Variants in EVC2 observed in about 807,000 individuals in gnomAD.
EVC2 encodes limbin.
EVC2 carries 148 observed loss-of-function variants against 149.3 expected under a neutral mutation model. The observed-to-expected ratio is 0.99, with a 90% CI of 0.87 to 1.14. EVC2 has a LOEUF of 1.14. Among genes scored for constraint, EVC2 ranks in the 50% most tolerant of loss-of-function variants. The pLI is 0.00. For missense variants in EVC2, 1,854 were observed against 1,627.3 expected (o/e 1.14, Z -2.40); for synonymous variants, 776 against 649.9 (o/e 1.19, Z -2.95).
intron 10 of EVC2, among the ~76,000 whole-genome samples, chr4:5,634,079 G>A (rs1006851031): frequency 8.3e-4 from 126 of 152,354 alleles, no homozygotes; most frequent in African/African-American, 2.9e-3. Flanking sequence ...GACAGCAGGG[G>A]CCATGAGGCT....
In EVC2 at chr4:5,625,598, A is replaced by T; in HGVS notation, c.2046+151T>A. The stretch of plus-strand genomic sequence containing the variant: ...GAACACAGCATTCCAAAAAGTCGCT[A>T]CCAATCAACAGTAGATGGCACATCA... On this transcript the variant is annotated intron_variant, in intron 13 of 21. Transcript: ENST00000344408. The surrounding 1 kb of genome is among the most constrained non-coding windows in gnomAD (Gnocchi z 4.0). 1 of 990,566 alleles carries T rather than the reference A, an allele frequency of 1.0e-6. No homozygotes were observed. The highest frequency in any genetic ancestry group is 1.5e-6 in the Non-Finnish European group (1 of 669,578). The allele number at this position is 990,566 out of a possible 1,614,324, so 61.4% of individuals were successfully genotyped here.
intron 16 of EVC2, among the ~76,000 whole-genome samples, chr4:5,593,577 C>G (rs571058147): frequency 2.2e-4 from 33 of 152,264 alleles, no homozygotes; most frequent in Non-Finnish European, 4.1e-4. Flanking sequence ...GATTCCCATT[C>G]TAGGGGGTGG....
intron 21 of EVC2, among the ~76,000 whole-genome samples, chr4:5,546,506 A>G (rs1371468061): frequency 6.6e-6 from 1 of 152,004 alleles, no homozygotes; most frequent in African/African-American, 2.4e-5. Flanking sequence ...ATAGGTGGGA[A>G]TTGAACAATG....
chr4:5,623,109 A>C, intron 13 of EVC2, 118 bp from the exon 14 acceptor site: 52 of 953,072 alleles, frequency 5.5e-5, no homozygotes, highest in Non-Finnish European at 6.9e-5. Context: ...CAACAATCTC[A>C]CATTTGGAAG....
At chr4:5,548,085 G>A (rs538685818) in intron 21 of EVC2, among the ~76,000 whole-genome samples, 340 of 152,174 alleles carry the variant, frequency 2.2e-3, no homozygotes, top group Admixed American at 3.7e-3. Context: ...GACTGTGCAC[G>A]GTGGCTGGAC....
rs1553851870 is a variant in EVC2, at chr4:5,691,335, T to C, written c.451-2A>G. On this transcript the variant is annotated splice_acceptor_variant, in intron 3 of 21. Transcript: ENST00000344408. LOFTEE classifies it high-confidence loss of function. ...AACTTCTCTTGAAATGTCCCCATAC[T>C]ACAATAAAATGTAAAAGTTATTAGA... The C allele has an allele frequency of 1.2e-6, 2 of 1,608,460 alleles. No individual in the cohort carries two copies. The highest frequency in any genetic ancestry group is 8.5e-7 in the Non-Finnish European group (1 of 1,175,174).
intron 4 of EVC2, among the ~76,000 whole-genome samples, chr4:5,690,369 G>T (rs1721030848): frequency 6.6e-6 from 1 of 151,780 alleles, no homozygotes; most frequent in South Asian, 2.1e-4. Context: ...TCTAAAGCCT[G>T]CAGAATATCC....
At chr4:5,530,183 T>C in the EVC2 span, among the ~76,000 whole-genome samples, 1 of 152,202 alleles carries the variant, frequency 6.6e-6, no homozygotes, top group Non-Finnish European at 1.5e-5. Flanking sequence ...AATAAAAGCA[T>C]AAGTCCTTAC....
At chr4:5,580,894 G>A (rs538254173) in intron 17 of EVC2, among the ~76,000 whole-genome samples, 1 of 152,302 alleles carries the variant, frequency 6.6e-6, no homozygotes, top group African/African-American at 2.4e-5. Flanking sequence ...ATGGTTTAGT[G>A]CCATCCCTTT....
At position 5,571,817 on chromosome 4, in the gene EVC2, T is replaced by G. The variant is rs537193608; in HGVS notation, c.3360+2868A>C. ...GGGGTGTTTTGGGATGAGATTAACA[T>G]GTAAATTGGTGGACTCTGAGGGAAG... On this transcript the variant is annotated intron_variant, in intron 19 of 21. Coordinates refer to ENST00000344408, the MANE Select transcript of EVC2 (RefSeq NM_147127.5). 3.3e-5 allele frequency among the ~76,000 whole-genome samples: 5 copies of G among 152,308 alleles called. No individual in the cohort carries two copies. In the South Asian group the frequency reaches 1.0e-3, roughly 32 times the overall value.
rs1161005466 is a variant in EVC2, at chr4:5,677,044, G to C, written c.870+4216C>G. On this transcript the variant is annotated intron_variant, in intron 7 of 21. Transcript: ENST00000344408. The surrounding 1 kb of genome is among the most constrained non-coding windows in gnomAD (Gnocchi z 4.3). ...CAAAACATTCACTGTCAGCATCACA[G>C]AACACTTGGCACAGCTGTGCTGTTC... is the stretch of plus-strand genomic sequence containing the variant. 1.3e-5 allele frequency among the ~76,000 whole-genome samples: 2 copies of C among 152,180 alleles called. No homozygotes were observed. Among genetic ancestry groups the C allele is most frequent in the African/African-American group, 4.8e-5 (2 of 41,452 alleles).
intron 7 of EVC2, among the ~76,000 whole-genome samples, chr4:5,668,051 C>T (rs574450061): frequency 3.3e-5 from 5 of 152,292 alleles, no homozygotes; most frequent in East Asian, 3.9e-4. Context: ...GCATATTATA[C>T]CCCAAACTCT....
downstream of EVC2, among the ~76,000 whole-genome samples, chr4:5,542,054 G>C (rs915619482): frequency 4.6e-5 from 7 of 152,162 alleles, no homozygotes; most frequent in African/African-American, 1.7e-4. Flanking sequence ...AGAAGCCAGA[G>C]AGCCAGCTAG....
intron 7 of EVC2, among the ~76,000 whole-genome samples, chr4:5,673,240 G>A (rs1719769764): frequency 6.6e-6 from 1 of 152,154 alleles, no homozygotes; most frequent in Admixed American, 6.5e-5. Context: ...TGGTGGGAAG[G>A]GCACAGATCA....
intron 3 of EVC2, among the ~76,000 whole-genome samples, chr4:5,692,589 C>T (rs1029347289): frequency 6.0e-5 from 9 of 151,184 alleles, no homozygotes; most frequent in Non-Finnish European, 7.4e-5. Flanking sequence ...ACAAAAATGC[C>T]GGGCGCGGTG....
chr4:5,542,436 T>C (rs193112297), downstream of EVC2, among the ~76,000 whole-genome samples: 16 of 152,192 alleles, frequency 1.1e-4, no homozygotes, highest in African/African-American at 3.9e-4. Flanking sequence ...GCCTGGGCAA[T>C]GGAGTGAGAC....
chr4:5,629,561 A>G (rs190321355), intron 11 of EVC2, among the ~76,000 whole-genome samples: 1 of 152,388 alleles, frequency 6.6e-6, no homozygotes, highest in East Asian at 1.9e-4. Context: ...AATATCACCC[A>G]TACAATGGAT....
rs1199249046 is a variant in EVC2, at chr4:5,625,070, G to A, written c.2046+679C>T. 6.6e-6 allele frequency among the ~76,000 whole-genome samples: 1 copy of A among 152,014 alleles called. No homozygotes were observed. The highest frequency in any genetic ancestry group is 6.6e-5 in the Admixed American group (1 of 15,256). Reference sequence around the variant, plus strand: ...TCCATCTGACATGGTGCTCACCTCAGCTTCCTAAATCACAGATCTGATGTC... The same window carrying A: ...TCCATCTGACATGGTGCTCACCTCAACTTCCTAAATCACAGATCTGATGTC... On this transcript the variant is annotated intron_variant, in intron 13 of 21. Coordinates refer to ENST00000344408, the MANE Select transcript of EVC2 (RefSeq NM_147127.5). The surrounding 1 kb of genome is among the most constrained non-coding windows in gnomAD (Gnocchi z 4.0).
chr4:5,664,977 G>A (rs1719163591), intron 8 of EVC2, among the ~76,000 whole-genome samples: 1 of 150,444 alleles, frequency 6.6e-6, no homozygotes, highest in Admixed American at 6.6e-5. Flanking sequence ...GTGCGTGTGG[G>A]TGACAGGATG....
Sources: gnomAD v4.1 joint callset for allele counts (sites outside exome capture counted in the v4.1 genomes callset) on GRCh38, gnomAD v4.1.1 for gene constraint, Gnocchi (gnomAD v3.1) non-coding constraint, MANE v1.5 for transcripts, NCBI Gene and HGNC (gene_info 2026-07-23, HGNC 2026-07-21) for gene names.